The following AFG1L variants were observed in gnomAD, a reference collection of about 807,000 sequenced individuals.
AFG1L encodes the protein AFG1 like ATPase.
In AFG1L, 53 loss-of-function variants were observed where a neutral mutation model predicts 62.2. The ratio of observed to expected loss-of-function variants is 0.85; its 90% CI spans 0.68 to 1.07. The LOEUF (loss-of-function observed/expected upper bound fraction) is 1.07. AFG1L is among the 50% of genes least tolerant of loss of function. AFG1L has a pLI of 0.00. For synonymous variants in AFG1L, 228 were observed against 210.3 expected (o/e 1.08, Z -0.73); for missense variants, 555 against 590.5 (o/e 0.94, Z 0.62).
At chr6:108,379,302 G>A (rs1469721722) in intron 6 of AFG1L, among the ~76,000 whole-genome samples, 4 of 152,186 alleles carry the variant, frequency 2.6e-5, no homozygotes, top group African/African-American at 7.2e-5. Context: ...GAGCCACCGC[G>A]CCCGGCTGCC....
At chr6:108,373,214 C>T (rs944418523) in intron 6 of AFG1L, among the ~76,000 whole-genome samples, 4 of 152,094 alleles carry the variant, frequency 2.6e-5, no homozygotes, top group African/African-American at 4.8e-5. Flanking sequence ...AGTAGTCCCC[C>T]GTGTCTATCA....
intron 2 of AFG1L, among the ~76,000 whole-genome samples, chr6:108,329,487 C>A (rs1004423031): frequency 6.6e-6 from 1 of 150,922 alleles, no homozygotes; most frequent in Non-Finnish European, 1.5e-5. Context: ...TTAGTAGAGA[C>A]GGGGTTTCAC....
intron 2 of AFG1L, among the ~76,000 whole-genome samples, chr6:108,335,856 A>G (rs534211361): frequency 4.6e-5 from 7 of 152,318 alleles, no homozygotes; most frequent in South Asian, 2.1e-4. Flanking sequence ...TGAGATGTCA[A>G]AAAGTCATTT....
At chr6:108,467,022 A>T (rs1003118352) in intron 8 of AFG1L, among the ~76,000 whole-genome samples, 2 of 151,970 alleles carry the variant, frequency 1.3e-5, no homozygotes, top group African/African-American at 4.8e-5. Flanking sequence ...AATAAGGGAA[A>T]TGAGCTTATA....
rs557999444 is a variant in AFG1L at position 108,383,425 on chromosome 6, A to G, written c.748+17093A>G. On this transcript the variant is annotated intron_variant, in intron 6 of 12. Coordinates refer to ENST00000368977, the MANE Select transcript of AFG1L (RefSeq NM_145315.5). Reference sequence around the variant, plus strand: ...AGACAACAGATTGAGCTGAAAACTGATTTACTGAGATCAGCTGTGATAAAA... The same window carrying G: ...AGACAACAGATTGAGCTGAAAACTGGTTTACTGAGATCAGCTGTGATAAAA... 3.9e-5 allele frequency among the ~76,000 whole-genome samples: 6 copies of G among 152,296 alleles called. No individual in the cohort carries two copies. In the South Asian group the frequency reaches 1.2e-3, roughly 32 times the overall value.
At chr6:108,314,140 A>G (rs1386513533) in intron 1 of AFG1L, among the ~76,000 whole-genome samples, 1 of 152,038 alleles carries the variant, frequency 6.6e-6, no homozygotes, top group Non-Finnish European at 1.5e-5. Flanking sequence ...TTGAGGTGGG[A>G]AAATTGCTTG....
chr6:108,470,813 T>C (rs1772856115), intron 8 of AFG1L, among the ~76,000 whole-genome samples: 1 of 152,176 alleles, frequency 6.6e-6, no homozygotes, highest in Non-Finnish European at 1.5e-5. Flanking sequence ...TCTGGTACTA[T>C]TTTTGTACTC....
At chr6:108,325,042 G>A (rs1562475898) in intron 2 of AFG1L, among the ~76,000 whole-genome samples, 1 of 152,176 alleles carries the variant, frequency 6.6e-6, no homozygotes, top group Non-Finnish European at 1.5e-5. Flanking sequence ...GCAGGCCACA[G>A]GAAACATAAC....
intron 1 of AFG1L, chr6:108,318,209 A>G (rs1777679816): frequency 1.1e-5 from 3 of 282,628 alleles, no homozygotes; most frequent in Non-Finnish European, 2.1e-5. Context: ...TGGCGTTATG[A>G]TAGGAAGCAG....
At chr6:108,441,308 A>G (rs1175080836) in intron 7 of AFG1L, among the ~76,000 whole-genome samples, 1 of 152,166 alleles carries the variant, frequency 6.6e-6, no homozygotes, top group Non-Finnish European at 1.5e-5. Flanking sequence ...TCCTTTAGTC[A>G]TACATTTTTC....
intron 7 of AFG1L, among the ~76,000 whole-genome samples, chr6:108,441,506 T>C (rs1014526216): frequency 6.6e-6 from 1 of 151,984 alleles, no homozygotes; most frequent in Non-Finnish European, 1.5e-5. Flanking sequence ...GTGTTGTATA[T>C]TAGAATTGGA....
chr6:108,412,376 T>C (rs1782157979), intron 7 of AFG1L, among the ~76,000 whole-genome samples: 1 of 152,086 alleles, frequency 6.6e-6, no homozygotes, highest in Non-Finnish European at 1.5e-5. Context: ...CCAAACCTAG[T>C]GAGGCAGGCC....
chr6:108,434,593 A>T (rs1294922931), intron 7 of AFG1L, among the ~76,000 whole-genome samples: 4 of 152,156 alleles, frequency 2.6e-5, no homozygotes. Context: ...AGCAATGTTT[A>T]TGCAGTTTTC....
At chr6:108,401,346 G>T (rs1320180903) in intron 6 of AFG1L, among the ~76,000 whole-genome samples, 1 of 151,662 alleles carries the variant, frequency 6.6e-6, no homozygotes, top group African/African-American at 2.4e-5. Flanking sequence ...GTTTCACCTT[G>T]TTAGCCAGGA....
Position 108,522,426 on chromosome 6 carries a change from C to T in AFG1L, c.*1C>T. ...TGAAGGAGACAGAACCAAGAAGTAACTGCCACTTTTGCATAAATAAAACTC... is the reference window on the plus strand; with the variant it reads ...TGAAGGAGACAGAACCAAGAAGTAATTGCCACTTTTGCATAAATAAAACTC... On this transcript the variant is annotated 3_prime_UTR_variant, in exon 13 of 13. Transcript: ENST00000368977. The T allele has an allele frequency of 6.2e-7, 1 of 1,605,222 alleles. No individual in the cohort carries two copies. The highest frequency in any genetic ancestry group is 2.2e-5 in the East Asian group (1 of 44,672).
At chr6:108,502,618 G>C (rs756143292) in intron 10 of AFG1L, among the ~76,000 whole-genome samples, 8 of 152,114 alleles carry the variant, frequency 5.3e-5, no homozygotes, top group Admixed American at 3.9e-4. Flanking sequence ...GGGATTATAG[G>C]CATGAACCAC....
At chr6:108,506,370 G>GTGTAT (rs1774421340) in intron 10 of AFG1L, among the ~76,000 whole-genome samples, 1 of 152,056 alleles carries the variant, frequency 6.6e-6, no homozygotes, top group Non-Finnish European at 1.5e-5. Context: ...ACCACACCTG[G>GTGTAT]CTAACTTTGT....
At chr6:108,385,719 G>A (rs1396452548) in intron 6 of AFG1L, among the ~76,000 whole-genome samples, 1 of 152,278 alleles carries the variant, frequency 6.6e-6, no homozygotes, top group Non-Finnish European at 1.5e-5. Flanking sequence ...TGATGATTGG[G>A]AACTGATGAC....
chr6:108,445,633 TGAGAGAGAGAGAGAGAGAGA>T lies in AFG1L; in HGVS notation c.808-1552_808-1533del, dbSNP rs59323063. Among the ~76,000 whole-genome samples the T allele has an allele frequency of 3.1e-3, 401 of 130,118 alleles. 2 individuals are homozygous for T. The highest frequency in any genetic ancestry group is 4.3e-3 in the Non-Finnish European group (262 of 61,484). 85.4% of individuals were successfully genotyped at this position (130,118 alleles called of 152,430 possible). ...TCTCAGAGCATAGGGACACCTAAGG[TGAGAGAGAGAGAGAGAGAGA>T]GAGAGAGAGAGAGAGAGAGAGAGAG... On this transcript the variant is annotated intron_variant, in intron 7 of 12. Transcript: ENST00000368977.
Sources: gnomAD v4.1 joint callset for allele counts (sites outside exome capture counted in the v4.1 genomes callset) on GRCh38, gnomAD v4.1.1 for gene constraint, MANE v1.5 for transcripts, NCBI Gene and HGNC (gene_info 2026-07-23, HGNC 2026-07-21) for gene names.